ABCB5: variants seen among roughly 807,000 people sequenced by gnomAD.
ABCB5 encodes ATP-binding cassette sub-family B member 5.
Under a neutral mutation model 144.2 loss-of-function variants are expected in ABCB5, and 155 were observed. The observed-to-expected ratio is 1.08, with a 90% CI of 0.94 to 1.23. The LOEUF (loss-of-function observed/expected upper bound fraction) is 1.23. ABCB5 is among the 50% of genes most tolerant of loss of function. The pLI, the probability that ABCB5 is intolerant of heterozygous loss-of-function variation, is 0.00. For synonymous variants in ABCB5, 610 were observed against 528.6 expected (o/e 1.15, Z -2.11); for missense variants, 1,830 against 1,520.8 (o/e 1.20, Z -3.38).
chr7:20,719,942 T>TACACAC (rs10533720), intron 20 of ABCB5, among the ~76,000 whole-genome samples: 9 of 148,792 alleles, frequency 6.0e-5, no homozygotes, highest in Non-Finnish European at 9.0e-5. Flanking sequence ...TACCTATCAA[T>TACACAC]ACACACACAC....
rs555857965 is a variant in ABCB5, at chr7:20,756,755, T to G, written c.*1131T>G. On this transcript the variant is annotated 3_prime_UTR_variant, in exon 28 of 28. Transcript: ENST00000404938. ...TATATACTTTATCATATATAATGTGTGAATGATTTTAAAGTTCTGTGTAAA... is the reference window on the plus strand; with the variant it reads ...TATATACTTTATCATATATAATGTGGGAATGATTTTAAAGTTCTGTGTAAA... 3.3e-5 allele frequency: 5 copies of G among 152,342 alleles called. No individual in the cohort carries two copies. The highest frequency in any genetic ancestry group is 1.2e-4 in the African/African-American group (5 of 41,580). The allele number at this position is 152,342 out of a possible 1,614,324, so 9.4% of individuals were successfully genotyped here.
At chr7:20,648,412 C>A (rs1437518891) in intron 11 of ABCB5, among the ~76,000 whole-genome samples, 4 of 152,170 alleles carry the variant, frequency 2.6e-5, no homozygotes, top group African/African-American at 9.7e-5. Context: ...CTCATTTTAA[C>A]CCCCTCCTCT....
At chr7:20,707,442 A>G (rs1786857771) in intron 20 of ABCB5, among the ~76,000 whole-genome samples, 1 of 152,240 alleles carries the variant, frequency 6.6e-6, no homozygotes, top group South Asian at 2.1e-4. Flanking sequence ...ATCTGTCAAC[A>G]GACTATTTTC....
At chr7:20,706,734 C>A (rs1232380987) in intron 20 of ABCB5, among the ~76,000 whole-genome samples, 4 of 152,090 alleles carry the variant, frequency 2.6e-5, no homozygotes, top group Admixed American at 6.5e-5. Flanking sequence ...TCCCAGGTTG[C>A]AAATGGAGTC....
rs111331901 is a variant in ABCB5, at chr7:20,719,357, T to C, written c.2422-3659T>C. ...CTTATAAAAGTTATAAAGATAATTC[T>C]ACATATTTGAAGGTATTTTAAAAAT... On this transcript the variant is annotated intron_variant, in intron 20 of 27. Transcript: ENST00000404938. Among the ~76,000 whole-genome samples the C allele has an allele frequency of 3.9e-5, 6 of 152,342 alleles. 1 individual carries two copies. The highest frequency in any genetic ancestry group is 1.4e-4 in the African/African-American group (6 of 41,586).
At chr7:20,670,588 C>A (rs968195516) in intron 14 of ABCB5, among the ~76,000 whole-genome samples, 7 of 152,178 alleles carry the variant, frequency 4.6e-5, no homozygotes, top group Non-Finnish European at 8.8e-5. Flanking sequence ...AATTACCACA[C>A]CAAAGTAAAT....
chr7:20,723,790 G>A (rs905327209), intron 21 of ABCB5, among the ~76,000 whole-genome samples: 5 of 152,152 alleles, frequency 3.3e-5, no homozygotes, highest in Admixed American at 3.3e-4. Flanking sequence ...AGGCAATGCA[G>A]CAGTTACTGA....
intron 14 of ABCB5, among the ~76,000 whole-genome samples, chr7:20,665,768 G>GATAGATAGAGATACATACATAC (rs1562549609): frequency 8.0e-6 from 1 of 125,432 alleles, no homozygotes; most frequent in Non-Finnish European, 1.6e-5. Context: ...GATAGATAGA[G>GATAGATAGAGATACATACATAC]ATACATACAT....
At chr7:20,625,105 C>G (rs538917932) in intron 2 of ABCB5, among the ~76,000 whole-genome samples, 9 of 152,322 alleles carry the variant, frequency 5.9e-5, no homozygotes, top group African/African-American at 2.2e-4. Context: ...GCTTCAAAAT[C>G]CGCATCTAGA....
At chr7:20,703,772 G>C (rs1409941411) in intron 19 of ABCB5, among the ~76,000 whole-genome samples, 1 of 152,222 alleles carries the variant, frequency 6.6e-6, no homozygotes, top group Non-Finnish European at 1.5e-5. Flanking sequence ...GAAGCACTAA[G>C]ATGTGCTGTC....
chr7:20,669,537 G>A (rs1216266589), intron 14 of ABCB5, among the ~76,000 whole-genome samples: 2 of 89,554 alleles, frequency 2.2e-5, no homozygotes, highest in African/African-American at 1.0e-4. Flanking sequence ...CAGCATGCTC[G>A]TTAAGAGTCA....
intron 16 of ABCB5, among the ~76,000 whole-genome samples, chr7:20,687,860 G>A (rs1786053509): frequency 6.6e-6 from 1 of 152,088 alleles, no homozygotes; most frequent in African/African-American, 2.4e-5. Flanking sequence ...ACCCCAGCCT[G>A]ACTGACAGAG....
At chr7:20,693,043 G>C (rs1385130114) in intron 16 of ABCB5, among the ~76,000 whole-genome samples, 1 of 152,080 alleles carries the variant, frequency 6.6e-6, no homozygotes, top group Non-Finnish European at 1.5e-5. Context: ...ATTTGTAGAA[G>C]ACTTCACATA....
Position 20,755,579 on chromosome 7 carries a change from T to A in ABCB5, c.3729T>A (p.Asn1243Lys), listed in dbSNP as rs765326483. 5.0e-6 allele frequency: 8 copies of A among 1,614,162 alleles called. No individual in the cohort carries two copies. Among genetic ancestry groups the A allele is most frequent in the Non-Finnish European group, 6.8e-6 (8 of 1,180,020 alleles). Residue 1243 changes from asparagine (N) to lysine (K), a missense_variant, in exon 28 of 28, where the codon AAT becomes AAA. Transcript: ENST00000404938. ...EQGTHQELLR[N>K]RDIYFKLVNA... ...GAACTCATCAAGAGCTCCTGAGAAA[T>A]CGAGACATATATTTTAAGTTAGTGA...
chr7:20,717,759 A>G (rs530566374), intron 20 of ABCB5, among the ~76,000 whole-genome samples: 96 of 151,522 alleles, frequency 6.3e-4, no homozygotes, highest in South Asian at 4.8e-3. Flanking sequence ...TCTTACAAGA[A>G]TATCTATCAG....
chr7:20,736,076 A>T lies in ABCB5; in HGVS notation c.2868-2907A>T, dbSNP rs140626956. On this transcript the variant is annotated intron_variant, in intron 23 of 27. Coordinates refer to ENST00000404938, the MANE Select transcript of ABCB5 (RefSeq NM_001163941.2). ...GATGAGCATGGGAATAATTTTAATG[A>T]CTACCTCTATGGGGAAAGATACTCT... Among the ~76,000 whole-genome samples the T allele has an allele frequency of 2.4e-4, 36 of 152,336 alleles. 1 individual carries two copies. The highest frequency in any genetic ancestry group is 8.4e-4 in the African/African-American group (35 of 41,582).
intron 5 of ABCB5, among the ~76,000 whole-genome samples, chr7:20,636,201 T>A (rs1172976890): frequency 2.0e-5 from 3 of 152,164 alleles, no homozygotes; most frequent in African/African-American, 4.8e-5. Context: ...CTTTTGAAAA[T>A]TCTTGATTAG....
chr7:20,743,163 G>T, intron 25 of ABCB5, 89 bp downstream of exon 25: 1 of 1,397,150 alleles, frequency 7.2e-7, no homozygotes. Context: ...CACTGGTTTG[G>T]GTGGGGCAAA....
chr7:20,713,638 C>T (rs1781571747), intron 20 of ABCB5, among the ~76,000 whole-genome samples: 1 of 149,688 alleles, frequency 6.7e-6, no homozygotes, highest in Admixed American at 6.7e-5. Flanking sequence ...TTGTGGAATA[C>T]AGTTAAGTTA....
Sources: allele counts gnomAD v4.1 joint callset (sites outside exome capture counted in the v4.1 genomes callset), GRCh38; gene constraint gnomAD v4.1.1; transcripts MANE v1.5; gene names NCBI Gene and HGNC (gene_info 2026-07-23, HGNC 2026-07-21).